Variants in CSMD1 observed in about 807,000 individuals in gnomAD.
The protein encoded by CSMD1 is CUB and Sushi multiple domains 1.
A neutral mutation model predicts 417.5 loss-of-function variants in CSMD1; 213 were observed. The observed-to-expected ratio is 0.51, with a 90% confidence interval of 0.46 to 0.57. The LOEUF (loss-of-function observed/expected upper bound fraction) is 0.57. Ranked by LOEUF, CSMD1 falls within the 20% of genes least tolerant of loss-of-function variation. The pLI is 0.00. For synonymous variants in CSMD1, 2,862 were observed against 1,736.8 expected, an observed-to-expected ratio of 1.65 and a Z score of -16.11; for missense variants, 6,923 against 4,529.7, an observed-to-expected ratio of 1.53 and a Z score of -15.17.
At chr8:4,425,861 A>T (rs918936441) in intron 2 of CSMD1, among the ~76,000 whole-genome samples, 1 of 152,116 alleles carries the variant, frequency 6.6e-6, no homozygotes, top group African/African-American at 2.4e-5. Flanking sequence ...CGTTACTGAT[A>T]AACTTTGAAT....
At chr8:3,819,923 C>A (rs949002659) in intron 5 of CSMD1, among the ~76,000 whole-genome samples, 1 of 152,118 alleles carries the variant, frequency 6.6e-6, no homozygotes, top group Admixed American at 6.6e-5. Context: ...GGACAAGACA[C>A]GCCACAGCTT....
chr8:4,548,786 C>T (rs182869266), intron 2 of CSMD1, among the ~76,000 whole-genome samples: 300 of 152,178 alleles, frequency 2.0e-3, no homozygotes, highest in African/African-American at 6.5e-3. Flanking sequence ...CCTGTTAGTT[C>T]ACGGGAAACC....
chr8:4,279,473 G>A (rs920712466), intron 3 of CSMD1, among the ~76,000 whole-genome samples: 8 of 152,190 alleles, frequency 5.3e-5, no homozygotes, highest in African/African-American at 1.4e-4. Flanking sequence ...ATTTAATAGC[G>A]TTTTTTCATG....
At chr8:4,459,402 C>G (rs1175596170) in intron 2 of CSMD1, among the ~76,000 whole-genome samples, 14 of 152,210 alleles carry the variant, frequency 9.2e-5, no homozygotes, top group Admixed American at 2.0e-4. Flanking sequence ...CCAGCAGAAG[C>G]TGAGAGTGTC....
chr8:3,673,772 G>A (rs914414009), intron 7 of CSMD1, among the ~76,000 whole-genome samples: 69 of 152,178 alleles, frequency 4.5e-4, no homozygotes, highest in African/African-American at 1.6e-3. Flanking sequence ...ATGAAAGCAT[G>A]AAGGTGCAAA....
chr8:3,881,493 T>G (rs1191390010), intron 5 of CSMD1, among the ~76,000 whole-genome samples: 1 of 150,332 alleles, frequency 6.7e-6, no homozygotes, highest in Admixed American at 6.6e-5. Context: ...AAAAATTAGC[T>G]GGGCGTAGTG....
chr8:4,267,072 G>T (rs534786499), intron 3 of CSMD1, among the ~76,000 whole-genome samples: 1 of 103,820 alleles, frequency 9.6e-6, no homozygotes, highest in African/African-American at 2.6e-5. Context: ...CAAGAATAGA[G>T]TGTCTGTTTA....
chr8:4,720,797 C>T (rs1225646456), intron 1 of CSMD1, among the ~76,000 whole-genome samples: 2 of 152,072 alleles, frequency 1.3e-5, no homozygotes, highest in East Asian at 3.9e-4. Flanking sequence ...ACTTAGAATT[C>T]CATCTAAAGA....
intron 3 of CSMD1, among the ~76,000 whole-genome samples, chr8:4,210,871 T>C (rs1222047780): frequency 6.6e-6 from 1 of 152,204 alleles, no homozygotes; most frequent in Non-Finnish European, 1.5e-5. Context: ...CAGTGTTGTC[T>C]TCTTGGTCCC....
intron 6 of CSMD1, among the ~76,000 whole-genome samples, chr8:3,721,812 T>C (rs931116915): frequency 6.6e-6 from 1 of 152,118 alleles, no homozygotes; most frequent in Non-Finnish European, 1.5e-5. Flanking sequence ...ATAAGCCATT[T>C]TTTGAGAAAT....
chr8:4,437,352 G>A (rs912818068), intron 2 of CSMD1, among the ~76,000 whole-genome samples: 7 of 152,218 alleles, frequency 4.6e-5, no homozygotes, highest in South Asian at 2.1e-4. Flanking sequence ...TACATTTTAA[G>A]GTATTGCTAA....
Position 3,278,290 on chromosome 8 carries a change from A to C in CSMD1, c.4153+5854T>G, listed in dbSNP as rs1467965650. On this transcript the variant is annotated intron_variant, in intron 26 of 69. Transcript: ENST00000635120. ...ACCCTGATGTTAAATTATTTTTTAAAATGTACTTCAAAGTGTGCTTGGGAA... is the reference window on the plus strand; with the variant it reads ...ACCCTGATGTTAAATTATTTTTTAACATGTACTTCAAAGTGTGCTTGGGAA... 1.2e-4 allele frequency: 18 copies of C among 152,336 alleles called. No homozygotes were observed. In the South Asian group the frequency reaches 3.7e-3, roughly 32 times the overall value. The allele number at this position is 152,336 out of a possible 1,614,324, so 9.4% of individuals were successfully genotyped here.
At chr8:4,191,887 C>T (rs910140722) in intron 3 of CSMD1, among the ~76,000 whole-genome samples, 5 of 152,030 alleles carry the variant, frequency 3.3e-5, no homozygotes, top group South Asian at 2.1e-4. Flanking sequence ...AATTTGACAA[C>T]AATTCAAAGA....
chr8:3,198,811 A>C (rs534183297), intron 33 of CSMD1, among the ~76,000 whole-genome samples: 1 of 152,352 alleles, frequency 6.6e-6, no homozygotes, highest in South Asian at 2.1e-4. Context: ...TCTTTATTAA[A>C]GGAAAGAAAC....
chr8:3,052,648 C>G lies in CSMD1; in HGVS notation c.7475-1G>C. On this transcript the variant is annotated splice_acceptor_variant, in intron 49 of 69. Transcript: ENST00000635120. LOFTEE classifies it high-confidence loss of function. ...GATTCTGGGATTCCACAGGACACAG[C>G]TGAAAAGAAATGAAACAAATGTAGG... The G allele has an allele frequency of 6.3e-7, 1 of 1,588,638 alleles. No individual in the cohort carries two copies. The highest frequency in any genetic ancestry group is 1.2e-5 in the South Asian group (1 of 86,346).
chr8:4,318,066 G>A (rs115986585), intron 3 of CSMD1, among the ~76,000 whole-genome samples: 3,194 of 152,188 alleles, frequency 0.021, 108 homozygotes, highest in African/African-American at 0.071. Flanking sequence ...TTTTTCTCAC[G>A]TAAGTGTGAC....
chr8:4,902,501 T>C (rs1804952501), intron 1 of CSMD1, among the ~76,000 whole-genome samples: 1 of 152,082 alleles, frequency 6.6e-6, no homozygotes, highest in Non-Finnish European at 1.5e-5. Context: ...ATAATGTAGT[T>C]TGCAAAGCAA....
In CSMD1 at chr8:4,471,256, T is replaced by TA. The variant is rs200678551; in HGVS notation, c.303-51192dup. Reference sequence around the variant, plus strand: ...CAAGCTCACAAAATGGTGTCCTACTTAAAAAAATCAGGAACAATAAATTTC... The same window carrying TA: ...CAAGCTCACAAAATGGTGTCCTACTTAAAAAAAATCAGGAACAATAAATTTC... On this transcript the variant is annotated intron_variant, in intron 2 of 69. Coordinates refer to ENST00000635120, the MANE Select transcript of CSMD1 (RefSeq NM_033225.6). Among the ~76,000 whole-genome samples, 538 of 152,146 alleles carry TA rather than the reference T, an allele frequency of 3.5e-3. 3 individuals carry two copies. Among genetic ancestry groups the TA allele is most frequent in the African/African-American group, 0.012 (514 of 41,500 alleles).
At chr8:2,994,145 CAAAAAAAAAAA>C (rs35438493) in intron 54 of CSMD1, among the ~76,000 whole-genome samples, 1 of 30,516 alleles carries the variant, frequency 3.3e-5, no homozygotes, top group South Asian at 2.6e-3. Context: ...AACTCCATCT[CAAAAAAAAAAA>C]AAAAAAAAAA....
Sources: allele counts gnomAD v4.1 joint callset (sites outside exome capture counted in the v4.1 genomes callset), GRCh38; gene constraint gnomAD v4.1.1; transcripts MANE v1.5; gene names NCBI Gene and HGNC (gene_info 2026-07-23, HGNC 2026-07-21).